Variants in NBPF3 observed in about 807,000 individuals in gnomAD.
NBPF3 encodes NBPF member 3.
Under a neutral mutation model 78.1 loss-of-function variants are expected in NBPF3, and 57 were observed. That is an observed-to-expected ratio of 0.73 (90% confidence interval 0.59 to 0.91). NBPF3 has a LOEUF of 0.91. Ranked by LOEUF, NBPF3 falls within the 40% of genes least tolerant of loss-of-function variation. NBPF3 has a pLI of 0.00. For missense variants in NBPF3, 510 were observed against 715.3 expected (o/e 0.71, Z 3.27); for synonymous variants, 182 against 271.7 (o/e 0.67, Z 3.25).
chr1:21,457,547 T>C (rs1302860300), intron 2 of NBPF3, among the ~76,000 whole-genome samples: 1 of 152,128 alleles, frequency 6.6e-6, no homozygotes, highest in Non-Finnish European at 1.5e-5. Flanking sequence ...CTCTACTGTT[T>C]AGTCATCAGG....
chr1:21,481,477 A>AT lies in NBPF3; in HGVS notation c.1434-118dup, dbSNP rs946101326. ...ACTGAGGGCAATAATTTGTTACCTC[A>AT]TTAATGGATGTATCCTTTTTCTTTT... is the stretch of plus-strand genomic sequence containing the variant. On this transcript the variant is annotated intron_variant, in intron 12 of 14. Transcript: ENST00000318249. 10 of 1,261,942 alleles carry AT rather than the reference A, an allele frequency of 7.9e-6. No individual in the cohort carries two copies. The East Asian group carries it at 2.6e-4, about 32-fold the overall frequency. The allele number at this position is 1,261,942 out of a possible 1,614,324, so 78.2% of individuals were successfully genotyped here. A position where few individuals can be genotyped will look rare whatever the true frequency, so the allele number is the denominator to read the frequency against.
intron 3 of NBPF3, among the ~76,000 whole-genome samples, chr1:21,469,331 T>C (rs4654752): frequency 0.67 from 101,875 of 151,978 alleles, 35,337 homozygotes; most frequent in South Asian, 0.87. Context: ...CTGGGGACCC[T>C]GAGGAAAACT....
chr1:21,469,459 G>T (rs1475975866), intron 3 of NBPF3, among the ~76,000 whole-genome samples: 3 of 152,166 alleles, frequency 2.0e-5, no homozygotes, highest in Non-Finnish European at 2.9e-5. Flanking sequence ...GTGCACGGTG[G>T]CTCACTCCTG....
At chr1:21,456,337 C>T (rs1209015581) in intron 2 of NBPF3, among the ~76,000 whole-genome samples, 2 of 152,112 alleles carry the variant, frequency 1.3e-5, no homozygotes, top group Admixed American at 6.5e-5. Flanking sequence ...CAAGATAGAC[C>T]ACATATGCTG....
intron 1 of NBPF3, 100 bp downstream of exon 1, chr1:21,440,448 C>T (rs1486726424): frequency 1.3e-4 from 2 of 15,906 alleles, no homozygotes; most frequent in Admixed American, 1.7e-3. Context: ...TGCGCGAGCG[C>T]GGGGGCGGGT....
At chr1:21,440,598 C>T (rs1449666596) in intron 1 of NBPF3, among the ~76,000 whole-genome samples, 1 of 152,176 alleles carries the variant, frequency 6.6e-6, no homozygotes, top group Non-Finnish European at 1.5e-5. Context: ...TCTGTGGCAT[C>T]CCAGGGGGTG....
At position 21,479,351 on chromosome 1, in the gene NBPF3, C is replaced by T. The variant is rs1315589241; in HGVS notation, c.1159C>T (p.His387Tyr). 6.2e-7 allele frequency: 1 copy of T among 1,611,016 alleles called. No homozygotes were observed. The change falls in exon 10 of 15, where the codon CAT (histidine) becomes TAT (tyrosine). Residue 387 changes from histidine to tyrosine, a missense_variant and splice_region_variant. Physicochemically the swap from His to Tyr is moderately conservative, Grantham distance 83. Coordinates refer to ENST00000318249, the MANE Select transcript of NBPF3 (RefSeq NM_032264.6). ...GCCCTGTCTGAATTTATTTGCAGGA[C>T]ATTGGTGTGATCAAGTGAAAAAGGA... ...QVGLALDIGRHWCDQVKKEDQ... is the reference protein window; with the variant it reads ...QVGLALDIGRYWCDQVKKEDQ...
At chr1:21,464,149 T>C (rs1414553304) in intron 2 of NBPF3, among the ~76,000 whole-genome samples, 2 of 152,322 alleles carry the variant, frequency 1.3e-5, no homozygotes, top group East Asian at 3.9e-4. Flanking sequence ...AAAACAGGTG[T>C]TCACTCAAAA....
At chr1:21,449,122 C>T (rs567333236) in intron 2 of NBPF3, among the ~76,000 whole-genome samples, 10 of 152,260 alleles carry the variant, frequency 6.6e-5, no homozygotes, top group African/African-American at 2.2e-4. Context: ...TTTCCTAATC[C>T]CTGGTCCCCA....
At chr1:21,445,325 C>T (rs1363759788) in intron 2 of NBPF3, 106 bp downstream of exon 2, 23 of 1,276,912 alleles carry the variant, frequency 1.8e-5, no homozygotes, top group Non-Finnish European at 2.4e-5. Flanking sequence ...ATTGCAGGGC[C>T]TTGCCTGGCA....
In NBPF3 at chr1:21,484,702, C is replaced by T; in HGVS notation, c.*1316C>T. The T allele has an allele frequency of 3.1e-5, 2 of 64,558 alleles. 1 individual carries two copies. Among genetic ancestry groups the T allele is most frequent in the Non-Finnish European group, 7.7e-5 (2 of 26,118 alleles). 4.0% of individuals were successfully genotyped at this position (64,558 alleles called of 1,614,324 possible). On this transcript the variant is annotated 3_prime_UTR_variant, in exon 15 of 15. Transcript: ENST00000318249. ...TGTATTCCAGTGATCATCCTCTAAA[C>T]GTTTTATCATTTATTAATCATCCCT...
At chr1:21,455,316 TCAGTGG>T (rs1209120904) in intron 2 of NBPF3, among the ~76,000 whole-genome samples, 1 of 152,226 alleles carries the variant, frequency 6.6e-6, no homozygotes, top group Non-Finnish European at 1.5e-5. Context: ...TGACATCTCC[TCAGTGG>T]CTTTGTCTAC....
chr1:21,437,456 G>A (rs1180150401), upstream of NBPF3: 9 of 1,435,820 alleles, frequency 6.3e-6, no homozygotes, highest in Non-Finnish European at 8.4e-6. Context: ...GGACAAGACC[G>A]AGGGCACCAT....
intron 5 of NBPF3, among the ~76,000 whole-genome samples, chr1:21,471,999 C>G (rs1344862011): frequency 2.6e-5 from 4 of 152,132 alleles, no homozygotes; most frequent in Admixed American, 6.5e-5. Flanking sequence ...TCCCTCCTCC[C>G]TTGATGGAAG....
intron 2 of NBPF3, chr1:21,451,943 G>T: frequency 1.6e-6 from 1 of 630,672 alleles, no homozygotes; most frequent in South Asian, 6.4e-5. Flanking sequence ...TTTTTTGAAA[G>T]ATGCCACCAG....
chr1:21,459,430 G>A (rs1309164659), intron 2 of NBPF3, among the ~76,000 whole-genome samples: 1 of 152,096 alleles, frequency 6.6e-6, no homozygotes, highest in African/African-American at 2.4e-5. Flanking sequence ...TATTTTAGTA[G>A]AATCTTTTTT....
chr1:21,472,593 C>T (rs1415584211), intron 5 of NBPF3, among the ~76,000 whole-genome samples: 1 of 152,240 alleles, frequency 6.6e-6, no homozygotes, highest in Non-Finnish European at 1.5e-5. Flanking sequence ...CTGTAGGAGC[C>T]TCCATGATAT....
At chr1:21,474,781 A>G in intron 7 of NBPF3, 119 bp from the exon 8 acceptor site, 1 of 970,206 alleles carries the variant, frequency 1.0e-6, no homozygotes, top group South Asian at 1.3e-5. Context: ...TGCTCCTGTC[A>G]GAATCCATAT....
rs912210150 is a variant in NBPF3 at position 21,454,533 on chromosome 1, T to C, written c.133+9314T>C. On this transcript the variant is annotated intron_variant, in intron 2 of 14. Coordinates refer to ENST00000318249, the MANE Select transcript of NBPF3 (RefSeq NM_032264.6). Reference sequence around the variant, plus strand: ...TAGAGAGACCTGATAATATGACTTATGATACAGTGACCCCAAATTCAGGGT... The same window carrying C: ...TAGAGAGACCTGATAATATGACTTACGATACAGTGACCCCAAATTCAGGGT... Among the ~76,000 whole-genome samples the C allele has an allele frequency of 5.3e-5, 8 of 152,218 alleles. No homozygotes were observed. In the South Asian group the frequency reaches 1.4e-3, roughly 28 times the overall value.
Sources: gnomAD v4.1 joint callset for allele counts (sites outside exome capture counted in the v4.1 genomes callset) on GRCh38, gnomAD v4.1.1 for gene constraint, MANE v1.5 for transcripts, NCBI Gene and HGNC (gene_info 2026-07-23, HGNC 2026-07-21) for gene names.